GALNT3: variants seen among roughly 807,000 people sequenced by gnomAD.
The protein encoded by GALNT3 is GalNAc transferase 3.
GALNT3 carries 51 observed loss-of-function variants against 69.8 expected under a neutral mutation model. The observed-to-expected ratio is 0.73, with a 90% confidence interval of 0.58 to 0.92. The LOEUF (loss-of-function observed/expected upper bound fraction) is 0.92, where lower values mean the gene tolerates loss of function less well. GALNT3 is among the 40% of genes least tolerant of loss of function. The pLI is 0.00. For synonymous variants in GALNT3, 265 were observed against 248.5 expected (o/e 1.07, Z -0.63); for missense variants, 711 against 760.0 (o/e 0.94, Z 0.76).
intron 1 of GALNT3, among the ~76,000 whole-genome samples, chr2:165,777,327 T>G (rs1055303056): frequency 1.4e-4 from 21 of 152,244 alleles, no homozygotes; most frequent in African/African-American, 5.1e-4. Flanking sequence ...ATATAGATTA[T>G]AGATTAAGAA....
intron 2 of GALNT3, among the ~76,000 whole-genome samples, chr2:165,767,265 A>G (rs1031443373): frequency 3.9e-5 from 6 of 151,984 alleles, no homozygotes; most frequent in Non-Finnish European, 8.8e-5. Context: ...TTTTATTTTT[A>G]AAGAAAAAAA....
intron 6 of GALNT3, 85 bp downstream of exon 6, chr2:165,758,662 T>C (rs1404728640): frequency 5.6e-6 from 5 of 891,754 alleles, no homozygotes; most frequent in Non-Finnish European, 9.4e-6. Context: ...AGTGCACACA[T>C]CTGTAATCAT....
In GALNT3 at chr2:165,749,842, A is replaced by G. The variant is rs760159041; in HGVS notation, c.1679T>C (p.Leu560Ser). 1.2e-6 allele frequency: 2 copies of G among 1,613,666 alleles called. No homozygotes were observed. Among genetic ancestry groups the G allele is most frequent in the Non-Finnish European group, 1.7e-6 (2 of 1,179,628 alleles). Residue 560 changes from leucine (L) to serine (S), a missense_variant, in exon 10 of 11, where the codon TTA becomes TCA. Leu to Ser is a moderately radical substitution (Grantham distance 145). Coordinates refer to ENST00000392701, the MANE Select transcript of GALNT3 (RefSeq NM_004482.4). ...HEIRHNIQKE[L>S]CLHAAQGLVQ... ...GAGACCTTGAGCAGCATGAAGACAT[A>G]ATTCCTTCTGGATGTTGTGCCGAAT... is the stretch of plus-strand genomic sequence containing the variant.
At chr2:165,790,494 T>G (rs537071177) in intron 1 of GALNT3, among the ~76,000 whole-genome samples, 2 of 152,324 alleles carry the variant, frequency 1.3e-5, no homozygotes, top group East Asian at 3.9e-4. Context: ...CACCTTCCTT[T>G]TCAATAGGAT....
chr2:165,790,018 T>C (rs540667121), intron 1 of GALNT3, among the ~76,000 whole-genome samples: 4 of 152,288 alleles, frequency 2.6e-5, no homozygotes, highest in African/African-American at 9.6e-5. Flanking sequence ...ATAAATAGAA[T>C]ACAGAGAGTG....
chr2:165,789,355 C>T (rs1162541317), intron 1 of GALNT3, among the ~76,000 whole-genome samples: 3 of 152,176 alleles, frequency 2.0e-5, no homozygotes, highest in South Asian at 2.1e-4. Context: ...CAAAAACACA[C>T]GAGGCCAAGG....
At chr2:165,793,502 CG>C (rs1288415559) in intron 1 of GALNT3, among the ~76,000 whole-genome samples, 1 of 152,220 alleles carries the variant, frequency 6.6e-6, no homozygotes, top group Non-Finnish European at 1.5e-5. Context: ...AATGGCTCGG[CG>C]GCCGCGGTTT....
chr2:165,748,949 T>TA, intron 10 of GALNT3, 46 bp from the exon 11 acceptor site: 1 of 1,568,204 alleles, frequency 6.4e-7, no homozygotes, highest in Non-Finnish European at 8.7e-7. Context: ...AGACTCATAG[T>TA]TAAGTGACAA....
chr2:165,757,945 A>G (rs889056628), intron 6 of GALNT3, among the ~76,000 whole-genome samples: 2 of 152,196 alleles, frequency 1.3e-5, no homozygotes, highest in African/African-American at 2.4e-5. Context: ...CATATTTAAT[A>G]CTATGTGCTT....
chr2:165,787,794 A>G (rs1559008772), intron 1 of GALNT3, among the ~76,000 whole-genome samples: 1 of 152,238 alleles, frequency 6.6e-6, no homozygotes, highest in Non-Finnish European at 1.5e-5. Context: ...CCTCAACAAT[A>G]ATAATATACT....
chr2:165,774,132 T>G (rs753804201), intron 1 of GALNT3, among the ~76,000 whole-genome samples: 6 of 152,182 alleles, frequency 3.9e-5, no homozygotes, highest in Non-Finnish European at 8.8e-5. Flanking sequence ...TCCCAGTTGA[T>G]GAACTACAAC....
chr2:165,754,875 CATAAAGG>C (rs1189184871), intron 8 of GALNT3, 50 bp downstream of exon 8: 140 of 1,581,210 alleles, frequency 8.9e-5, no homozygotes, highest in Non-Finnish European at 1.1e-4. Flanking sequence ...CTTAGAACCA[CATAAAGG>C]TTGGTGGCAA....
At chr2:165,790,156 G>A (rs1337615261) in intron 1 of GALNT3, among the ~76,000 whole-genome samples, 1 of 152,130 alleles carries the variant, frequency 6.6e-6, no homozygotes, top group East Asian at 1.9e-4. Flanking sequence ...AATTAGTTTG[G>A]ACAGTTTGAA....
chr2:165,749,917 A>C, intron 9 of GALNT3, 23 bp from the exon 10 acceptor site: 3 of 1,612,642 alleles, frequency 1.9e-6, no homozygotes, highest in Non-Finnish European at 2.5e-6. Context: ...TAGCACTGTT[A>C]CTGACAAAAG....
chr2:165,770,089 T>C, intron 2 of GALNT3, 97 bp downstream of exon 2: 2 of 1,393,294 alleles, frequency 1.4e-6, no homozygotes, highest in Non-Finnish European at 2.0e-6. Flanking sequence ...TTTTCTGCCT[T>C]AGAGTAGCTA....
Position 165,778,862 on chromosome 2 carries a change from G to A in GALNT3, c.-108-8054C>T, listed in dbSNP as rs192745854. Among the ~76,000 whole-genome samples, 7 of 152,260 alleles carry A rather than the reference G, an allele frequency of 4.6e-5. No individual in the cohort carries two copies. The East Asian group carries it at 9.7e-4, about 21-fold the overall frequency. On this transcript the variant is annotated intron_variant, in intron 1 of 10. Transcript: ENST00000392701. Reference sequence around the variant, plus strand: ...TTTCATGTGCCACACAGGTAACAACGGCTCTGGGCTGGCTGCCTGGGACAA... The same window carrying A: ...TTTCATGTGCCACACAGGTAACAACAGCTCTGGGCTGGCTGCCTGGGACAA...
At chr2:165,790,429 T>C (rs1213497927) in intron 1 of GALNT3, among the ~76,000 whole-genome samples, 2 of 152,188 alleles carry the variant, frequency 1.3e-5, no homozygotes, top group African/African-American at 4.8e-5. Flanking sequence ...CCAAATTACA[T>C]AGTATGAATT....
intron 1 of GALNT3, among the ~76,000 whole-genome samples, chr2:165,782,862 A>G (rs73017463): frequency 0.011 from 1,608 of 152,288 alleles, 38 homozygotes; most frequent in African/African-American, 0.036. Context: ...TCTTGATTGC[A>G]GCAACTAAAG....
intron 3 of GALNT3, among the ~76,000 whole-genome samples, chr2:165,763,907 G>A (rs191851574): frequency 1.5e-4 from 23 of 152,186 alleles, no homozygotes; most frequent in Admixed American, 1.2e-3. Context: ...CCTTTTCTGC[G>A]CCTCAGTTTC....
Sources: gnomAD v4.1 joint callset for allele counts (sites outside exome capture counted in the v4.1 genomes callset) on GRCh38, gnomAD v4.1.1 for gene constraint, MANE v1.5 for transcripts, NCBI Gene and HGNC (gene_info 2026-07-23, HGNC 2026-07-21) for gene names.